IQSEC1: variants seen among roughly 807,000 people sequenced by gnomAD.
IQSEC1 encodes the protein IQ motif and Sec7 domain ArfGEF 1.
In IQSEC1, 31 loss-of-function variants were observed where a neutral mutation model predicts 91.0. That is an observed-to-expected ratio of 0.34 (90% CI 0.26 to 0.46). The LOEUF is 0.46. Among genes scored for constraint, IQSEC1 ranks in the 20% least tolerant of loss-of-function variants. The pLI is 1.00. For synonymous variants in IQSEC1, 699 were observed against 662.6 expected (o/e 1.05, Z -0.84); for missense variants, 1,388 against 1,575.6 (o/e 0.88, Z 2.02).
Position 12,967,574 on chromosome 3 carries a change from AC to A in IQSEC1, c.24-25710del. 1 of 1,323,658 alleles carries A rather than the reference AC, an allele frequency of 7.6e-7. No homozygotes were observed. The highest frequency in any genetic ancestry group is 9.6e-7 in the Non-Finnish European group (1 of 1,043,566). The allele number at this position is 1,323,658 out of a possible 1,614,324, so 82.0% of individuals were successfully genotyped here. Reference sequence around the variant, plus strand: ...CACCCGGCCACCCGGAGACCCGACCACCCGCCACGCGATCACGTCGGGGCTC... The same window carrying A: ...CACCCGGCCACCCGGAGACCCGACCACCGCCACGCGATCACGTCGGGGCTC... On this transcript the variant is annotated intron_variant, in intron 1 of 13. Coordinates refer to ENST00000613206, the MANE Select transcript of IQSEC1 (RefSeq NM_001134382.3). The surrounding 1 kb of genome is among the most constrained non-coding windows in gnomAD (Gnocchi z 5.9).
intron 1 of IQSEC1, among the ~76,000 whole-genome samples, chr3:12,982,763 G>T (rs1338654225): frequency 1.3e-5 from 2 of 152,256 alleles, no homozygotes; most frequent in African/African-American, 4.8e-5. Context: ...AGTACTGACA[G>T]GAAAGAGCTG....
intron 1 of IQSEC1, among the ~76,000 whole-genome samples, chr3:13,024,688 A>G (rs1703546073): frequency 1.5e-5 from 2 of 132,816 alleles, no homozygotes; most frequent in South Asian, 5.1e-4. Context: ...CCATCTATCC[A>G]TCCATCTACC....
chr3:13,233,777 T>C (rs527993710), intron 1 of IQSEC1, among the ~76,000 whole-genome samples: 1 of 151,948 alleles, frequency 6.6e-6, no homozygotes, highest in East Asian at 1.9e-4. Context: ...CAGGGAAGAG[T>C]GAGGGCTCCC....
In IQSEC1 at chr3:12,908,586, G is replaced by A. The variant is rs771777912; in HGVS notation, c.2579-61C>T. On this transcript the variant is annotated intron_variant, in intron 11 of 13. Coordinates refer to ENST00000613206, the MANE Select transcript of IQSEC1 (RefSeq NM_001134382.3). The surrounding 1 kb of genome is among the most constrained non-coding windows in gnomAD (Gnocchi z 4.9). The stretch of plus-strand genomic sequence containing the variant: ...GCACAGCCTAGAGTGGGCAGGAGAC[G>A]GGGCCTTCTGCTTGGAGCTAGCACT... 7.7e-6 allele frequency: 12 copies of A among 1,553,870 alleles called. No homozygotes were observed. Among genetic ancestry groups the A allele is most frequent in the East Asian group, 6.7e-5 (3 of 44,502 alleles).
chr3:13,232,311 C>T (rs1187923265), intron 1 of IQSEC1, among the ~76,000 whole-genome samples: 1 of 152,202 alleles, frequency 6.6e-6, no homozygotes, highest in East Asian at 1.9e-4. Context: ...TGGGGGGCAC[C>T]AACGCCGAGT....
At chr3:13,083,838 G>A (rs1322449644) in intron 2 of IQSEC1, among the ~76,000 whole-genome samples, 2 of 152,256 alleles carry the variant, frequency 1.3e-5, no homozygotes, top group African/African-American at 2.4e-5. Context: ...CACCTTGTGC[G>A]CAGCCTGGCA....
intron 1 of IQSEC1, among the ~76,000 whole-genome samples, chr3:13,208,118 TG>T (rs1694376865): frequency 6.6e-6 from 1 of 150,420 alleles, no homozygotes; most frequent in Non-Finnish European, 1.5e-5. Context: ...CTTGGGTGGG[TG>T]GGTGGCCAGA....
At chr3:13,072,012 G>A (rs1042218462) in intron 1 of IQSEC1, among the ~76,000 whole-genome samples, 2 of 152,246 alleles carry the variant, frequency 1.3e-5, no homozygotes, top group Non-Finnish European at 1.5e-5. Flanking sequence ...CCATGGTAAG[G>A]GGCCTCCATC....
At chr3:13,268,227 G>A (rs565123616) in intron 1 of IQSEC1, among the ~76,000 whole-genome samples, 1 of 152,332 alleles carries the variant, frequency 6.6e-6, no homozygotes, top group Admixed American at 6.5e-5. Context: ...GCACTGGTTT[G>A]GGAGTCCCAC....
chr3:12,901,162 G>T lies in IQSEC1; in HGVS notation c.3166C>A (p.His1056Asn). The change falls in exon 14 of 14, where the codon CAC (histidine) becomes AAC (asparagine). Residue 1056 changes from histidine (H) to asparagine (N), a missense_variant. His to Asn is a moderately conservative substitution (Grantham distance 68). Coordinates refer to ENST00000613206, the MANE Select transcript of IQSEC1 (RefSeq NM_001134382.3). ...HHPPQHIQHA[H>N]QYHHGPHGGH... The stretch of plus-strand genomic sequence containing the variant: ...CCATGGGGGCCGTGGTGGTACTGGT[G>T]TGCGTGCTGGATGTGCTGGGGTGGG... 2 of 1,544,296 alleles carry T rather than the reference G, an allele frequency of 1.3e-6. No homozygotes were observed.
intron 2 of IQSEC1, among the ~76,000 whole-genome samples, chr3:13,099,839 C>T (rs1329389334): frequency 6.7e-6 from 1 of 149,878 alleles, no homozygotes; most frequent in Non-Finnish European, 1.5e-5. Flanking sequence ...AGTTGCACCT[C>T]AGCACCCCTG....
At chr3:13,260,615 C>T (rs891771249) in intron 1 of IQSEC1, among the ~76,000 whole-genome samples, 3 of 152,212 alleles carry the variant, frequency 2.0e-5, no homozygotes, top group Non-Finnish European at 2.9e-5. Flanking sequence ...TCACCGATGC[C>T]TGAGTCTACC....
At chr3:13,111,701 T>A (rs746843457) in intron 2 of IQSEC1, among the ~76,000 whole-genome samples, 12 of 152,016 alleles carry the variant, frequency 7.9e-5, no homozygotes, top group Admixed American at 3.3e-4. Flanking sequence ...GATATCAGTG[T>A]CCTCATAAGA....
At chr3:12,993,510 G>C (rs1033524276) in intron 1 of IQSEC1, among the ~76,000 whole-genome samples, 1 of 152,156 alleles carries the variant, frequency 6.6e-6, no homozygotes, top group Non-Finnish European at 1.5e-5. Context: ...TGCGGAGTCG[G>C]GGGGTGGGGA....
chr3:13,235,209 G>T (rs2125094926), intron 1 of IQSEC1, among the ~76,000 whole-genome samples: 1 of 152,284 alleles, frequency 6.6e-6, no homozygotes, highest in African/African-American at 2.4e-5. Flanking sequence ...GAGGGGGCCT[G>T]GTGGGCCCCT....
Position 12,924,872 on chromosome 3 carries a change from T to C in IQSEC1, c.1569-130A>G. ...CCACCTGCACCGGCCTTCATCCCTG[T>C]AGGCATTCAGGGGTCTCTAGTTCCA... On this transcript the variant is annotated intron_variant, in intron 3 of 13. Coordinates refer to ENST00000613206, the MANE Select transcript of IQSEC1 (RefSeq NM_001134382.3). This position sits in a 1 kb window ranked among gnomAD's most constrained non-coding sequence, Gnocchi z 6.3. 1.2e-6 allele frequency: 1 copy of C among 833,436 alleles called. No homozygotes were observed. The highest frequency in any genetic ancestry group is 3.1e-5 in the East Asian group (1 of 32,664). The allele number at this position is 833,436 out of a possible 1,614,324, so 51.6% of individuals were successfully genotyped here.
chr3:12,973,248 C>G (rs904494757), intron 1 of IQSEC1, among the ~76,000 whole-genome samples: 1 of 152,190 alleles, frequency 6.6e-6, no homozygotes, highest in East Asian at 1.9e-4. Flanking sequence ...ATCCCTGCAA[C>G]GCAGCCACTC....
At chr3:12,945,363 G>T (rs931422495) in intron 1 of IQSEC1, among the ~76,000 whole-genome samples, 1 of 152,006 alleles carries the variant, frequency 6.6e-6, no homozygotes, top group Non-Finnish European at 1.5e-5. Context: ...GGAAGGGAAG[G>T]CCTGACAGTC....
chr3:13,045,400 G>A (rs165566), intron 1 of IQSEC1, among the ~76,000 whole-genome samples: 56,008 of 152,062 alleles, frequency 0.37, 11,358 homozygotes, highest in East Asian at 0.64. Flanking sequence ...CTGAGTGCCC[G>A]ACACCCGCAG....
Sources: gnomAD v4.1 joint callset for allele counts (sites outside exome capture counted in the v4.1 genomes callset) on GRCh38, gnomAD v4.1.1 for gene constraint, Gnocchi (gnomAD v3.1) non-coding constraint, MANE v1.5 for transcripts, NCBI Gene and HGNC (gene_info 2026-07-23, HGNC 2026-07-21) for gene names.